DLG2: variants seen among roughly 807,000 people sequenced by gnomAD.
DLG2 encodes the protein discs large MAGUK scaffold protein 2.
A neutral mutation model predicts 132.5 loss-of-function variants in DLG2; 45 were observed. The observed-to-expected ratio is 0.34, with a 90% CI of 0.27 to 0.44. The LOEUF (loss-of-function observed/expected upper bound fraction) is 0.44. DLG2 is among the 20% of genes least tolerant of loss of function. The pLI is 1.00. For synonymous variants in DLG2, 424 were observed against 419.6 expected (o/e 1.01, Z -0.13); for missense variants, 1,045 against 1,196.9 (o/e 0.87, Z 1.87).
intron 3 of DLG2, among the ~76,000 whole-genome samples, chr11:85,426,737 A>G (rs1281107224): frequency 1.3e-5 from 2 of 152,244 alleles, no homozygotes; most frequent in Non-Finnish European, 2.9e-5. Flanking sequence ...CCTCCAAAGG[A>G]ATACAGCTCC....
intron 18 of DLG2, among the ~76,000 whole-genome samples, chr11:83,635,283 G>A (rs990413654): frequency 6.6e-6 from 1 of 152,154 alleles, no homozygotes; most frequent in African/African-American, 2.4e-5. Flanking sequence ...ACTGTATGCA[G>A]ATTTAAATCA....
intron 6 of DLG2, among the ~76,000 whole-genome samples, chr11:84,937,607 G>C (rs1241785397): frequency 6.6e-6 from 1 of 152,118 alleles, no homozygotes; most frequent in Admixed American, 6.5e-5. Context: ...TGGGGGAGAG[G>C]ACATGAGGAA....
intron 18 of DLG2, among the ~76,000 whole-genome samples, chr11:83,679,848 T>C (rs536863021): frequency 1.3e-5 from 2 of 152,296 alleles, no homozygotes; most frequent in African/African-American, 4.8e-5. Flanking sequence ...TAATACTTGG[T>C]TGGGGACACA....
At chr11:84,586,056 C>T (rs1347396696) in intron 6 of DLG2, among the ~76,000 whole-genome samples, 1 of 150,752 alleles carries the variant, frequency 6.6e-6, no homozygotes, top group East Asian at 2.0e-4. Flanking sequence ...GTGGCTGAGG[C>T]AGGAGAATCG....
chr11:83,863,849 G>C (rs1299109919), intron 16 of DLG2, among the ~76,000 whole-genome samples: 1 of 152,140 alleles, frequency 6.6e-6, no homozygotes, highest in Non-Finnish European at 1.5e-5. Context: ...ATACCAAGGA[G>C]AGAGACTTGA....
rs552209914 is a variant in DLG2, at chr11:85,567,300, GAACATAAA to G, written c.40+31349_40+31356del. Among the ~76,000 whole-genome samples the G allele has an allele frequency of 4.6e-5, 7 of 152,244 alleles. No individual in the cohort carries two copies. The South Asian group carries it at 1.5e-3, about 32-fold the overall frequency. On this transcript the variant is annotated intron_variant, in intron 3 of 27. Transcript: ENST00000376104. Reference sequence around the variant, plus strand: ...AACCATATTAAGTCTTCCAACCCATGAACATAAAATGTCTGTTTATTTAGGTCTTTTTC... The same window carrying G: ...AACCATATTAAGTCTTCCAACCCATGATGTCTGTTTATTTAGGTCTTTTTC...
At chr11:84,817,610 T>A (rs1265426410) in intron 6 of DLG2, among the ~76,000 whole-genome samples, 1 of 152,032 alleles carries the variant, frequency 6.6e-6, no homozygotes, top group East Asian at 1.9e-4. Context: ...CTGCAGCTTA[T>A]GAGTCTGGGA....
chr11:83,533,529 A>C (rs570150523), intron 20 of DLG2, among the ~76,000 whole-genome samples: 4 of 152,198 alleles, frequency 2.6e-5, no homozygotes, highest in African/African-American at 7.2e-5. Context: ...GGGAGGGTGC[A>C]AAGGAGGAGT....
At chr11:84,385,196 C>T (rs753740144) in intron 7 of DLG2, among the ~76,000 whole-genome samples, 2 of 151,932 alleles carry the variant, frequency 1.3e-5, no homozygotes, top group African/African-American at 4.8e-5. Context: ...ATTTAGATCT[C>T]TAAATCATCT....
intron 6 of DLG2, among the ~76,000 whole-genome samples, chr11:84,846,195 T>C (rs890126981): frequency 1.3e-5 from 2 of 152,080 alleles, no homozygotes; most frequent in Non-Finnish European, 2.9e-5. Flanking sequence ...TGACCTCCTT[T>C]TCTGTCCTGC....
In DLG2 at chr11:84,534,682, C is replaced by T. The variant is rs776496218; in HGVS notation, c.407G>A (p.Arg136Gln). ...TGGGCCTCTTACTTCGTGGGTTAGT[C>T]GAGGTAAGGAATGATCATGTGGAGC... The part of the protein sequence containing the change: ...EDAPHDHSLP[R>Q]LTHEVRGPEL... The change falls in exon 7 of 28, where the codon CGA becomes CAA. Residue 136 changes from arginine (R) to glutamine (Q), a missense_variant. By Grantham distance (43) the Arg-to-Gln change is conservative. Coordinates refer to ENST00000376104, the MANE Select transcript of DLG2 (RefSeq NM_001142699.3). 7.4e-6 allele frequency: 12 copies of T among 1,613,758 alleles called. No homozygotes were observed. Among genetic ancestry groups the T allele is most frequent in the African/African-American group, 6.7e-5 (5 of 74,836 alleles).
At chr11:83,492,553 A>G (rs895662404) in intron 21 of DLG2, among the ~76,000 whole-genome samples, 1 of 151,936 alleles carries the variant, frequency 6.6e-6, no homozygotes, top group Non-Finnish European at 1.5e-5. Flanking sequence ...CTTCAAACCA[A>G]ACACGTGGTC....
At chr11:84,893,421 G>T (rs986222574) in intron 6 of DLG2, among the ~76,000 whole-genome samples, 1 of 152,192 alleles carries the variant, frequency 6.6e-6, no homozygotes, top group Non-Finnish European at 1.5e-5. Flanking sequence ...ATGTGCTAAA[G>T]TGTCAATAGC....
intron 6 of DLG2, among the ~76,000 whole-genome samples, chr11:84,779,783 T>A (rs2071378175): frequency 6.6e-6 from 1 of 151,798 alleles, no homozygotes; most frequent in Non-Finnish European, 1.5e-5. Flanking sequence ...TTAGAGGAAA[T>A]GGATAAATTT....
At chr11:85,574,905 T>C (rs2078062695) in intron 3 of DLG2, among the ~76,000 whole-genome samples, 1 of 152,102 alleles carries the variant, frequency 6.6e-6, no homozygotes, top group Non-Finnish European at 1.5e-5. Context: ...AACAGACTAA[T>C]ACAGTCCCTA....
At chr11:84,314,155 C>T (rs1056810177) in intron 7 of DLG2, among the ~76,000 whole-genome samples, 1 of 152,144 alleles carries the variant, frequency 6.6e-6, no homozygotes, top group Non-Finnish European at 1.5e-5. Flanking sequence ...CAAATATCTC[C>T]GAGGGCAAGA....
intron 8 of DLG2, among the ~76,000 whole-genome samples, chr11:84,239,403 A>T (rs1326152155): frequency 6.6e-6 from 1 of 151,388 alleles, no homozygotes; most frequent in Non-Finnish European, 1.5e-5. Flanking sequence ...CTGCTCTTGA[A>T]CTCCCTGACC....
intron 3 of DLG2, among the ~76,000 whole-genome samples, chr11:85,474,011 ACTT>A (rs1485052557): frequency 6.6e-6 from 1 of 152,056 alleles, no homozygotes; most frequent in Non-Finnish European, 1.5e-5. Flanking sequence ...ATAAACAACT[ACTT>A]AAAATATAGA....
At chr11:83,819,028 T>C (rs561476483) in intron 17 of DLG2, among the ~76,000 whole-genome samples, 1 of 152,284 alleles carries the variant, frequency 6.6e-6, no homozygotes, top group South Asian at 2.1e-4. Context: ...CTTGCCTTTA[T>C]GTTAGAAACA....
Sources: gnomAD v4.1 joint callset for allele counts (sites outside exome capture counted in the v4.1 genomes callset) on GRCh38, gnomAD v4.1.1 for gene constraint, MANE v1.5 for transcripts, NCBI Gene and HGNC (gene_info 2026-07-23, HGNC 2026-07-21) for gene names.